ELMO1: variants seen among roughly 807,000 people sequenced by gnomAD.
ELMO1 encodes the protein engulfment and cell motility 1.
Under a neutral mutation model 98.9 loss-of-function variants are expected in ELMO1, and 26 were observed. The observed-to-expected ratio is 0.26, with a 90% CI of 0.19 to 0.36. The LOEUF (loss-of-function observed/expected upper bound fraction) is 0.36, where lower values mean the gene tolerates loss of function less well. Among genes scored for constraint, ELMO1 ranks in the 10% least tolerant of loss-of-function variants. The pLI is 1.00. For synonymous variants in ELMO1, 346 were observed against 346.0 expected (o/e 1.00, Z 0.00); for missense variants, 627 against 935.2 (o/e 0.67, Z 4.30).
chr7:37,285,302 C>G (rs1270150539), intron 4 of ELMO1, among the ~76,000 whole-genome samples: 1 of 152,228 alleles, frequency 6.6e-6, no homozygotes, highest in Non-Finnish European at 1.5e-5. Context: ...CTCTTTTACT[C>G]ACAACTAACC....
chr7:37,436,335 G>C (rs1225196897), intron 1 of ELMO1, among the ~76,000 whole-genome samples: 1 of 152,122 alleles, frequency 6.6e-6, no homozygotes, highest in African/African-American at 2.4e-5. Context: ...CACTCTCCTA[G>C]GTAAAATAAA....
At chr7:36,924,003 T>C (rs1051732503) in intron 16 of ELMO1, among the ~76,000 whole-genome samples, 14 of 152,146 alleles carry the variant, frequency 9.2e-5, no homozygotes, top group African/African-American at 3.4e-4. Flanking sequence ...TACAGGAGCC[T>C]TGCACTCCAG....
At chr7:37,074,431 C>T (rs1383877638) in intron 15 of ELMO1, among the ~76,000 whole-genome samples, 6 of 152,102 alleles carry the variant, frequency 3.9e-5, no homozygotes, top group Admixed American at 1.3e-4. Flanking sequence ...ATTCACTTTT[C>T]GGTTATCTTC....
chr7:37,110,575 T>TAATTTA (rs1785199513), intron 14 of ELMO1, among the ~76,000 whole-genome samples: 4 of 152,140 alleles, frequency 2.6e-5, no homozygotes, highest in Non-Finnish European at 5.9e-5. Context: ...ACTTAAAGTA[T>TAATTTA]AATTTAAATA....
intron 16 of ELMO1, among the ~76,000 whole-genome samples, chr7:36,935,477 A>T (rs1786448152): frequency 6.6e-6 from 1 of 152,180 alleles, no homozygotes; most frequent in Admixed American, 6.5e-5. Context: ...TTTTGTTGCC[A>T]TCCTTATCTG....
At chr7:37,413,707 T>C (rs71544484) in intron 1 of ELMO1, among the ~76,000 whole-genome samples, 2,308 of 152,294 alleles carry the variant, frequency 0.015, 37 homozygotes, top group Middle Eastern at 0.065. Context: ...AGACAGAGTC[T>C]TGCTCTGTCA....
intron 19 of ELMO1, among the ~76,000 whole-genome samples, chr7:36,873,955 C>T (rs1584285186): frequency 6.6e-6 from 1 of 152,290 alleles, no homozygotes; most frequent in South Asian, 2.1e-4. Context: ...ATAGTAGAAG[C>T]TCCTGTGGGC....
chr7:37,072,390 C>G (rs1797325789), intron 15 of ELMO1, among the ~76,000 whole-genome samples: 1 of 152,196 alleles, frequency 6.6e-6, no homozygotes, highest in East Asian at 1.9e-4. Context: ...CACAAGCTCT[C>G]TTTGCCTGCT....
At chr7:37,163,891 T>C (rs1174765222) in intron 13 of ELMO1, among the ~76,000 whole-genome samples, 1 of 152,246 alleles carries the variant, frequency 6.6e-6, no homozygotes, top group Non-Finnish European at 1.5e-5. Flanking sequence ...TTTCTAGTTC[T>C]AGATCCCTGA....
chr7:37,048,239 C>G (rs1795910484), intron 15 of ELMO1, among the ~76,000 whole-genome samples: 1 of 152,230 alleles, frequency 6.6e-6, no homozygotes, highest in Non-Finnish European at 1.5e-5. Flanking sequence ...CCAAAAGTGT[C>G]TCCAGACACT....
chr7:37,119,899 G>C (rs1245855069), intron 14 of ELMO1, among the ~76,000 whole-genome samples: 1 of 152,124 alleles, frequency 6.6e-6, no homozygotes, highest in Non-Finnish European at 1.5e-5. Context: ...TAAATTATGA[G>C]GGACGCTGAA....
rs371399590 is a variant in ELMO1, at chr7:37,122,726, T to G, written c.1191+10404A>C. Among the ~76,000 whole-genome samples, 72 of 152,168 alleles carry G rather than the reference T, an allele frequency of 4.7e-4. No homozygotes were observed. The East Asian group carries it at 0.012, about 26-fold the overall frequency. ...CCACTGTCAACATTAGACAGATCAATGAGACAGAAAGTTAATAAGGATATC... is the reference window on the plus strand; with the variant it reads ...CCACTGTCAACATTAGACAGATCAAGGAGACAGAAAGTTAATAAGGATATC... On this transcript the variant is annotated intron_variant, in intron 14 of 21. Transcript: ENST00000310758.
chr7:36,880,331 G>A (rs1476766642), intron 18 of ELMO1, among the ~76,000 whole-genome samples: 1 of 152,160 alleles, frequency 6.6e-6, no homozygotes, highest in Non-Finnish European at 1.5e-5. Context: ...TTGAAGCCAA[G>A]CCAATGTGTC....
chr7:37,064,432 C>T (rs1796841139), intron 15 of ELMO1, among the ~76,000 whole-genome samples: 1 of 152,124 alleles, frequency 6.6e-6, no homozygotes, highest in Non-Finnish European at 1.5e-5. Context: ...CATCAGGTTC[C>T]AATCCTGGGT....
chr7:37,209,707 G>A (rs1792846452), intron 13 of ELMO1, among the ~76,000 whole-genome samples: 1 of 152,176 alleles, frequency 6.6e-6, no homozygotes, highest in South Asian at 2.1e-4. Flanking sequence ...GGTAGAAAGT[G>A]AGTCCCATCC....
In ELMO1 at chr7:36,970,209, A is replaced by G. The variant is rs955343103; in HGVS notation, c.1437+43090T>C. On this transcript the variant is annotated intron_variant, in intron 16 of 21. Transcript: ENST00000310758. ...CACACACACACACACACACACACAC[A>G]CACACACACACGCACACCAAGGATC... Among the ~76,000 whole-genome samples, 5 of 151,410 alleles carry G rather than the reference A, an allele frequency of 3.3e-5. 1 individual carries two copies. In the East Asian group the frequency reaches 5.8e-4, roughly 18 times the overall value.
chr7:37,038,685 C>T lies in ELMO1; in HGVS notation c.1301-25250G>A, dbSNP rs146093942. Among the ~76,000 whole-genome samples, 238 of 152,240 alleles carry T rather than the reference C, an allele frequency of 1.6e-3. 1 individual carries two copies. The highest frequency in any genetic ancestry group is 5.4e-3 in the African/African-American group (224 of 41,540). ...TTAGTGTATTAGTTTGTTCAGGCTTCAATAAAACAATACCATAGACTAAGT... is the reference window on the plus strand; with the variant it reads ...TTAGTGTATTAGTTTGTTCAGGCTTTAATAAAACAATACCATAGACTAAGT... On this transcript the variant is annotated intron_variant, in intron 15 of 21. Transcript: ENST00000310758.
rs554868519 is a variant in ELMO1, at chr7:36,855,478, G to C, written c.*73C>G. On this transcript the variant is annotated 3_prime_UTR_variant, in exon 22 of 22. Transcript: ENST00000310758. The surrounding 1 kb of genome is among the most constrained non-coding windows in gnomAD (Gnocchi z 4.2). Reference sequence around the variant, plus strand: ...ACCAAAGGACGGTTCCAAGGCGTGGGTGTGTTTTCATTCCTCTCTCCTGTT... The same window carrying C: ...ACCAAAGGACGGTTCCAAGGCGTGGCTGTGTTTTCATTCCTCTCTCCTGTT... The C allele has an allele frequency of 5.1e-6, 8 of 1,580,334 alleles. 1 individual carries two copies. In the South Asian group the frequency reaches 8.9e-5, roughly 18 times the overall value.
At chr7:37,316,725 C>G (rs888784875) in intron 2 of ELMO1, among the ~76,000 whole-genome samples, 1 of 152,138 alleles carries the variant, frequency 6.6e-6, no homozygotes, top group Non-Finnish European at 1.5e-5. Context: ...TGGGGAGTAT[C>G]ATGTCAACCC....
Sources: allele counts gnomAD v4.1 joint callset (sites outside exome capture counted in the v4.1 genomes callset), GRCh38; gene constraint gnomAD v4.1.1; non-coding constraint Gnocchi (gnomAD v3.1); transcripts MANE v1.5; gene names NCBI Gene and HGNC (gene_info 2026-07-23, HGNC 2026-07-21).